The following MORN1 variants were observed in gnomAD, a reference collection of about 807,000 sequenced individuals.
MORN1 encodes the protein MORN repeat-containing protein 1.
In MORN1, 67 loss-of-function variants were observed where a neutral mutation model predicts 61.9. That is an observed-to-expected ratio of 1.08 (90% CI 0.89 to 1.33). MORN1 has a LOEUF of 1.33. Ranked by LOEUF, MORN1 falls within the 40% of genes most tolerant of loss-of-function variation. The probability of loss-of-function intolerance (pLI) is 0.00; values close to 1 mark genes in which losing one functional copy is unlikely to be tolerated. For missense variants in MORN1, 752 were observed against 691.2 expected, an observed-to-expected ratio of 1.09 and a Z score of -0.99; for synonymous variants, 301 against 292.0, an observed-to-expected ratio of 1.03 and a Z score of -0.31.
intron 10 of MORN1, among the ~76,000 whole-genome samples, chr1:2,345,988 CACCA>C (rs1641507486): frequency 6.9e-6 from 1 of 145,644 alleles, no homozygotes; most frequent in Non-Finnish European, 1.5e-5. Context: ...CAGACAAAGC[CACCA>C]GGAACCTTCC....
At position 2,334,648 on chromosome 1, in the gene MORN1, C is replaced by G. The variant is rs999749184; in HGVS notation, c.1250+1821G>C. ...GGCCGCTGGTCACAGATGTGTGCCC[C>G]GAAGAGACGACATCATTTGAACACT... On this transcript the variant is annotated intron_variant, in intron 12 of 13. Coordinates refer to ENST00000378531, the MANE Select transcript of MORN1 (RefSeq NM_024848.3). The surrounding 1 kb of genome is among the most constrained non-coding windows in gnomAD (Gnocchi z 5.4). 6.6e-6 allele frequency among the ~76,000 whole-genome samples: 1 copy of G among 152,172 alleles called. No homozygotes were observed. Among genetic ancestry groups the G allele is most frequent in the Non-Finnish European group, 1.5e-5 (1 of 68,014 alleles).
chr1:2,370,861 G>A (rs974514760), intron 8 of MORN1, among the ~76,000 whole-genome samples: 1 of 143,550 alleles, frequency 7.0e-6, no homozygotes, highest in Non-Finnish European at 1.5e-5. Context: ...AACAATTTTG[G>A]TTTTTTTTTT....
At chr1:2,385,572 C>G in intron 5 of MORN1, 2 of 275,958 alleles carry the variant, frequency 7.2e-6, no homozygotes, top group Non-Finnish European at 6.5e-6. Context: ...GATGTTTTAT[C>G]TAAACACACA....
chr1:2,338,798 G>A (rs1385306025), intron 10 of MORN1, among the ~76,000 whole-genome samples: 1 of 152,178 alleles, frequency 6.6e-6, no homozygotes, highest in Non-Finnish European at 1.5e-5. Flanking sequence ...TTTGCCTGGT[G>A]ATCACAATGG....
chr1:2,384,445 C>T (rs1642441511), intron 6 of MORN1, among the ~76,000 whole-genome samples: 1 of 152,376 alleles, frequency 6.6e-6, no homozygotes. Flanking sequence ...GGCATCAGCA[C>T]TATTTTGAGC....
In MORN1 at chr1:2,347,638, C is replaced by T. The variant is rs574570762; in HGVS notation, c.1036+9794G>A. Among the ~76,000 whole-genome samples the T allele has an allele frequency of 5.5e-4, 84 of 152,222 alleles. 1 individual carries two copies. The South Asian group carries it at 9.5e-3, about 17-fold the overall frequency. On this transcript the variant is annotated intron_variant, in intron 10 of 13. Coordinates refer to ENST00000378531, the MANE Select transcript of MORN1 (RefSeq NM_024848.3). ...TCTCGGTGCAGGGGGGACGGGGCCA[C>T]GCAGGTGTCCTCCCCACCGTGGCTG...
At position 2,321,582 on chromosome 1, in the gene MORN1, G is replaced by A; in HGVS notation, c.1298-3C>T. 6.7e-7 allele frequency: 1 copy of A among 1,485,082 alleles called. No homozygotes were observed. Among genetic ancestry groups the A allele is most frequent in the Non-Finnish European group, 9.0e-7 (1 of 1,114,208 alleles). The allele number at this position is 1,485,082 out of a possible 1,614,324, so 92.0% of individuals were successfully genotyped here. The stretch of plus-strand genomic sequence containing the variant: ...GCGGATCATGAGCACGTACTCCCCT[G>A]CAAGGGGCGGGTGGGCTGGTCCTCA... On this transcript the variant is annotated splice_polypyrimidine_tract_variant and splice_region_variant and intron_variant, in intron 13 of 13. Coordinates refer to ENST00000378531, the MANE Select transcript of MORN1 (RefSeq NM_024848.3).
Position 2,336,861 on chromosome 1 carries a change from A to T in MORN1, c.1037-11T>A. On this transcript the variant is annotated splice_polypyrimidine_tract_variant and intron_variant, in intron 10 of 13. Transcript: ENST00000378531. ...GCGCATGTCCCCTGGCTGAGGAGAC[A>T]GAATGAAGAAAGACCCTATGAGGGG... The T allele has an allele frequency of 6.4e-7, 1 of 1,550,426 alleles. No homozygotes were observed. Among genetic ancestry groups the T allele is most frequent in the South Asian group, 1.2e-5 (1 of 80,626 alleles).
chr1:2,322,128 TG>T, intron 13 of MORN1: 1 of 985,410 alleles, frequency 1.0e-6, no homozygotes, highest in Non-Finnish European at 1.2e-6. Context: ...GCGGCCCTGC[TG>T]GGGGCACTCG....
chr1:2,339,364 ACAGCGGTC>A (rs1641347415), intron 10 of MORN1, among the ~76,000 whole-genome samples: 1 of 152,116 alleles, frequency 6.6e-6, no homozygotes, highest in Admixed American at 6.5e-5. Context: ...ACCATGAGAG[ACAGCGGTC>A]CACCTCTGCC....
intron 12 of MORN1, among the ~76,000 whole-genome samples, chr1:2,328,468 G>A (rs72920936): frequency 6.6e-6 from 1 of 152,212 alleles, no homozygotes; most frequent in Non-Finnish European, 1.5e-5. Flanking sequence ...AGGATGTGCC[G>A]GGAGCCAGTG....
At chr1:2,338,266 G>A (rs974473186) in intron 10 of MORN1, among the ~76,000 whole-genome samples, 2 of 152,280 alleles carry the variant, frequency 1.3e-5, no homozygotes, top group Middle Eastern at 6.8e-3. Context: ...TAATCATTAT[G>A]GTGCATTATA....
chr1:2,369,846 T>A (rs950793109), intron 8 of MORN1, among the ~76,000 whole-genome samples: 2 of 152,192 alleles, frequency 1.3e-5, no homozygotes, highest in Admixed American at 6.5e-5. Context: ...TCTACCTAAA[T>A]GGAGAGATGC....
chr1:2,328,697 C>A (rs992944532), intron 12 of MORN1, among the ~76,000 whole-genome samples: 2 of 152,190 alleles, frequency 1.3e-5, no homozygotes, highest in African/African-American at 4.8e-5. Context: ...CCTTAGTAAC[C>A]CCAAGAAATG....
chr1:2,348,720 G>GGCACGCACACACAC (rs771171663), intron 10 of MORN1, among the ~76,000 whole-genome samples: 97,269 of 123,902 alleles, frequency 0.79, 38,323 homozygotes, highest in South Asian at 0.87. Context: ...CACCTGCGCG[G>GGCACGCACACACAC]GCACGCACAC....
In MORN1 at chr1:2,337,206, C is replaced by T. The variant is rs571954833; in HGVS notation, c.1037-356G>A. Among the ~76,000 whole-genome samples, 162 of 152,338 alleles carry T rather than the reference C, an allele frequency of 1.1e-3. No homozygotes were observed. Among genetic ancestry groups the T allele is most frequent in the African/African-American group, 3.7e-3 (154 of 41,568 alleles). ...CCAGGGTAGGGCCGGGACCGGGGCC[C>T]TGGCCGGAGAGGCTGGCGCTCAACA... On this transcript the variant is annotated intron_variant, in intron 10 of 13. Transcript: ENST00000378531. The surrounding 1 kb of genome is among the most constrained non-coding windows in gnomAD (Gnocchi z 5.7).
chr1:2,340,365 A>G (rs901047431), intron 10 of MORN1, among the ~76,000 whole-genome samples: 1 of 152,096 alleles, frequency 6.6e-6, no homozygotes, highest in African/African-American at 2.4e-5. Flanking sequence ...ACACCAGAGC[A>G]GACCTGAGTC....
rs1489708678 is a variant in MORN1 at position 2,361,596 on chromosome 1, A to G, written c.746-2881T>C. On this transcript the variant is annotated intron_variant, in intron 8 of 13. Coordinates refer to ENST00000378531, the MANE Select transcript of MORN1 (RefSeq NM_024848.3). Reference sequence around the variant, plus strand: ...AAATAAATAAATAAGAAAAAAGAACAAAGTCAAACTTCTGGAGATGAAAAT... The same window carrying G: ...AAATAAATAAATAAGAAAAAAGAACGAAGTCAAACTTCTGGAGATGAAAAT... Among the ~76,000 whole-genome samples, 4 of 152,128 alleles carry G rather than the reference A, an allele frequency of 2.6e-5. No homozygotes were observed. In the East Asian group the frequency reaches 5.8e-4, roughly 22 times the overall value.
At chr1:2,362,483 A>G (rs1641910031) in intron 8 of MORN1, among the ~76,000 whole-genome samples, 2 of 152,184 alleles carry the variant, frequency 1.3e-5, no homozygotes, top group African/African-American at 4.8e-5. Context: ...AGGGAAAAAA[A>G]GAGTTAAAAA....
Sources: allele counts gnomAD v4.1 joint callset (sites outside exome capture counted in the v4.1 genomes callset), GRCh38; gene constraint gnomAD v4.1.1; non-coding constraint Gnocchi (gnomAD v3.1); transcripts MANE v1.5; gene names NCBI Gene and HGNC (gene_info 2026-07-23, HGNC 2026-07-21).